AKR1B15: variants seen among roughly 807,000 people sequenced by gnomAD.
AKR1B15 encodes the protein aldo-keto reductase family 1 member B15, also known as estradiol 17-beta-dehydrogenase AKR1B15.
Under a neutral mutation model 38.5 loss-of-function variants are expected in AKR1B15, and 49 were observed. That is an observed-to-expected ratio of 1.27 (90% CI 1.01 to 1.62). The LOEUF (loss-of-function observed/expected upper bound fraction) is 1.62, where lower values mean the gene tolerates loss of function less well. AKR1B15 is among the 40% of genes most tolerant of loss of function. AKR1B15 has a pLI of 0.00. For synonymous variants in AKR1B15, 137 were observed against 135.5 expected (o/e 1.01, Z -0.08); for missense variants, 411 against 381.6 (o/e 1.08, Z -0.64).
At position 134,577,778 on chromosome 7, in the gene AKR1B15, C is replaced by A. The variant is rs565703346; in HGVS notation, c.984C>A (p.Asp328Glu). 1.9e-6 allele frequency: 3 copies of A among 1,613,882 alleles called. No homozygotes were observed. The change falls in exon 11 of 12, where the codon GAC (aspartate) becomes GAA (glutamate). Residue 328 changes from aspartate to glutamate, a missense_variant. Transcript: ENST00000457545. ...LSFNRNWRAF[D>E]FKEFSHLEDF... is the part of the protein sequence containing the mutation. The stretch of plus-strand genomic sequence containing the variant: ...TCAACAGAAACTGGAGGGCCTTTGA[C>A]TTCAAGGAGTAAGTGGCATGGAGTT...
At chr7:134,573,247 T>A (rs1240266116) in intron 6 of AKR1B15, 1 of 335,798 alleles carries the variant, frequency 3.0e-6, no homozygotes, top group African/African-American at 2.2e-5. Context: ...GCCAGGCTGG[T>A]CTCAAACTCC....
chr7:134,551,832 C>T (rs1321352998), intron 1 of AKR1B15, among the ~76,000 whole-genome samples: 1 of 152,108 alleles, frequency 6.6e-6, no homozygotes, highest in Non-Finnish European at 1.5e-5. Context: ...AAAGGAATGC[C>T]CATTAAAGCC....
At chr7:134,556,499 TGCTTCTCCCTTTCAG>T (rs1250710860) in intron 1 of AKR1B15, among the ~76,000 whole-genome samples, 1 of 152,192 alleles carries the variant, frequency 6.6e-6, no homozygotes, top group Non-Finnish European at 1.5e-5. Context: ...ATAACTTACC[TGCTTCTCCCTTTCAG>T]GCTACTTGTA....
Position 134,576,109 on chromosome 7 carries a change from A to C in AKR1B15, c.743+182A>C, listed in dbSNP as rs2257512. Reference sequence around the variant, plus strand: ...TGGGAATTAAACAACAACAACAACAACAAGGGCGACATGCTTGACCCTCTG... The same window carrying C: ...TGGGAATTAAACAACAACAACAACACCAAGGGCGACATGCTTGACCCTCTG... On this transcript the variant is annotated intron_variant, in intron 8 of 11. Coordinates refer to ENST00000457545, the MANE Select transcript of AKR1B15 (RefSeq NM_001080538.3). Among the ~76,000 whole-genome samples the C allele has an allele frequency of 6.5e-3, 984 of 151,602 alleles. 7 individuals carry two copies. The highest frequency in any genetic ancestry group is 0.017 in the African/African-American group (693 of 41,120).
At chr7:134,550,999 T>C (rs1036965333) in intron 1 of AKR1B15, among the ~76,000 whole-genome samples, 1 of 152,178 alleles carries the variant, frequency 6.6e-6, no homozygotes, top group African/African-American at 2.4e-5. Flanking sequence ...CTCTCCTTCA[T>C]GGCTCCACTC....
chr7:134,575,687 G>T (rs1794753700), intron 7 of AKR1B15, 134 bp from the exon 8 acceptor site: 10 of 1,578,714 alleles, frequency 6.3e-6, no homozygotes, highest in African/African-American at 1.3e-5. Context: ...TGATCTCATG[G>T]GTGATTTAGC....
At chr7:134,565,377 TC>T in intron 3 of AKR1B15, 1 of 1,569,120 alleles carries the variant, frequency 6.4e-7, no homozygotes, top group Non-Finnish European at 8.7e-7. Flanking sequence ...ACGGCTTCAT[TC>T]TTGAAGCCAG....
chr7:134,561,939 C>G (rs1256892704), intron 2 of AKR1B15, among the ~76,000 whole-genome samples: 1 of 152,140 alleles, frequency 6.6e-6, no homozygotes, highest in Non-Finnish European at 1.5e-5. Flanking sequence ...ACAGGGAAAC[C>G]ATCACAGGGA....
chr7:134,575,572 T>A, intron 7 of AKR1B15, 30 bp downstream of exon 7: 1 of 1,612,836 alleles, frequency 6.2e-7, no homozygotes, highest in Non-Finnish European at 8.5e-7. Flanking sequence ...AGGGTAAGGG[T>A]CCTGCCCTAT....
chr7:134,571,612 T>A lies in AKR1B15; in HGVS notation c.444T>A (p.Asp148Glu). The A allele has an allele frequency of 6.2e-7, 1 of 1,613,106 alleles. No individual in the cohort carries two copies. Among genetic ancestry groups the A allele is most frequent in the Non-Finnish European group, 8.5e-7 (1 of 1,179,310 alleles). The change falls in exon 6 of 12, where the codon GAT (aspartate) becomes GAA (glutamate). Residue 148 changes from aspartate to glutamate, a missense_variant. Physicochemically the swap from Asp to Glu is conservative, Grantham distance 45 (BLOSUM62 2). This residue lies in a region of AKR1B15 where 254 missense variants were observed against 212.4 expected (regional missense o/e 1.20). Transcript: ENST00000457545. ...IHWPQGFKTG[D>E]DFFPKDDKGN... ...TCATTCTGTATTTACAGACTGGGGATGACTTTTTCCCCAAAGATGATAAAG... is the reference window on the plus strand; with the variant it reads ...TCATTCTGTATTTACAGACTGGGGAAGACTTTTTCCCCAAAGATGATAAAG...
chr7:134,576,385 C>A lies in AKR1B15; in HGVS notation c.780C>A (p.Pro260=), dbSNP rs1789093935. 1 of 1,614,060 alleles carries A rather than the reference C, an allele frequency of 6.2e-7. No individual in the cohort carries two copies. Among genetic ancestry groups the A allele is most frequent in the Non-Finnish European group, 8.5e-7 (1 of 1,179,980 alleles). The change falls in exon 9 of 12, where the codon CCC becomes CCA. Residue 260 remains proline (P), a synonymous_variant. Transcript: ENST00000457545. The part of the protein sequence containing the change: ...KPEDPSLLED[P]KIKEIAAKHK... ...AGGACCCTTCCCTGCTGGAGGATCC[C>A]AAGATTAAGGAGATTGCTGCAAAGC...
Position 134,575,964 on chromosome 7 carries a change from T to C in AKR1B15, c.743+37T>C, listed in dbSNP as rs550607238. 3.2e-5 allele frequency: 52 copies of C among 1,603,152 alleles called. No individual in the cohort carries two copies. The East Asian group carries it at 1.1e-3, about 35-fold the overall frequency. ...AAGTGGTGGGTCTTTCTCTTGATAA[T>C]CTTAAAAACATTATTTTATAATTGG... On this transcript the variant is annotated intron_variant, in intron 8 of 11. Coordinates refer to ENST00000457545, the MANE Select transcript of AKR1B15 (RefSeq NM_001080538.3).
intron 3 of AKR1B15, 111 bp downstream of exon 3, chr7:134,564,880 T>A: frequency 3.8e-6 from 2 of 522,336 alleles, no homozygotes; most frequent in Non-Finnish European, 6.8e-6. Flanking sequence ...AAGTGGGGAC[T>A]TGGAGAACTT....
intron 2 of AKR1B15, 81 bp from the exon 3 acceptor site, chr7:134,564,517 A>G: frequency 1.8e-6 from 1 of 557,028 alleles, no homozygotes; most frequent in Non-Finnish European, 3.2e-6. Context: ...TCCCCTTTCT[A>G]GGTCCCATGA....
At chr7:134,572,506 G>T (rs1029811057) in intron 6 of AKR1B15, among the ~76,000 whole-genome samples, 10 of 151,904 alleles carry the variant, frequency 6.6e-5, no homozygotes, top group Non-Finnish European at 8.8e-5. Flanking sequence ...TGTGTGCCTG[G>T]AATGTGAGCT....
intron 4 of AKR1B15, among the ~76,000 whole-genome samples, chr7:134,568,932 C>T (rs1794605037): frequency 6.6e-6 from 1 of 151,708 alleles, no homozygotes; most frequent in Non-Finnish European, 1.5e-5. Flanking sequence ...ACAAATAGAC[C>T]CCACTGTGTA....
intron 10 of AKR1B15, among the ~76,000 whole-genome samples, 185 bp from the exon 11 acceptor site, chr7:134,577,519 T>C (rs1200055545): frequency 6.6e-6 from 1 of 152,200 alleles, no homozygotes; most frequent in Non-Finnish European, 1.5e-5. Context: ...GCACTACAAA[T>C]ACTGTGGTCT....
intron 3 of AKR1B15, among the ~76,000 whole-genome samples, chr7:134,565,951 C>T (rs573771150): frequency 2.0e-5 from 3 of 152,130 alleles, no homozygotes; most frequent in African/African-American, 4.8e-5. Context: ...TGCAGATCAC[C>T]ATGTGGGACT....
rs748600907 is a variant in AKR1B15 at position 134,575,510 on chromosome 7, C to G, written c.604C>G (p.Pro202Ala). ...HFQIERLLNK[P>A]GLKYKPVTNQ... ...CCAGATCGAGAGGCTCTTGAACAAA[C>G]CTGGACTGAAATATAAACCAGTGAC... Residue 202 changes from proline to alanine, a missense_variant, in exon 7 of 12, where the codon CCT becomes GCT. This residue lies in a region of AKR1B15 where 254 missense variants were observed against 212.4 expected (regional missense o/e 1.20). Transcript: ENST00000457545. 5 of 1,613,766 alleles carry G rather than the reference C, an allele frequency of 3.1e-6. No individual in the cohort carries two copies. The East Asian group carries it at 1.1e-4, about 36-fold the overall frequency.
Sources: allele counts gnomAD v4.1 joint callset (sites outside exome capture counted in the v4.1 genomes callset), GRCh38; gene constraint gnomAD v4.1.1; regional missense constraint gnomAD v4.1.1; transcripts MANE v1.5; gene names NCBI Gene and HGNC (gene_info 2026-07-23, HGNC 2026-07-21).